The following CTNNA2 variants were observed in gnomAD, a reference collection of about 807,000 sequenced individuals.
CTNNA2 encodes catenin alpha-2.
In CTNNA2, 42 loss-of-function variants were observed where a neutral mutation model predicts 101.0. That is an observed-to-expected ratio of 0.42 (90% CI 0.32 to 0.54). CTNNA2 has a LOEUF of 0.54. CTNNA2 is among the 20% of genes least tolerant of loss of function. CTNNA2 has a pLI of 0.14. For synonymous variants in CTNNA2, 450 were observed against 456.4 expected (o/e 0.99, Z 0.18); for missense variants, 871 against 1,223.1 (o/e 0.71, Z 4.29).
chr2:80,547,461 A>G (rs1038554338), intron 11 of CTNNA2, among the ~76,000 whole-genome samples: 1 of 152,146 alleles, frequency 6.6e-6, no homozygotes, highest in African/African-American at 2.4e-5. Context: ...ATAATTCTCA[A>G]TATGTCAAGA....
At chr2:79,433,594 C>A (rs1678679027) in intron 4 of CTNNA2, among the ~76,000 whole-genome samples, 2 of 136,372 alleles carry the variant, frequency 1.5e-5, no homozygotes, top group African/African-American at 2.8e-5. Context: ...AAATTATTTG[C>A]CAAAGATGAG....
At position 79,909,659 on chromosome 2, in the gene CTNNA2, G is replaced by A. The variant is rs755138517; in HGVS notation, c.918G>A (p.Arg306=). 1 of 1,613,840 alleles carries A rather than the reference G, an allele frequency of 6.2e-7. No homozygotes were observed. The highest frequency in any genetic ancestry group is 1.7e-5 in the Admixed American group (1 of 60,012). Residue 306 remains arginine (R), a synonymous_variant, in exon 7 of 19, where the codon AGG becomes AGA. Transcript: ENST00000402739. ...GGTTCCGGCCGTCCCTGGAGGAGAG[G>A]CTGGAGAGCATCATCAGCGGCGCAG... ...EARFRPSLEE[R]LESIISGAAL... is the part of the protein sequence containing the mutation.
intron 7 of CTNNA2, among the ~76,000 whole-genome samples, chr2:80,322,625 C>T (rs1189296722): frequency 1.3e-5 from 2 of 151,748 alleles, no homozygotes; most frequent in Non-Finnish European, 2.9e-5. Flanking sequence ...TGCGCTGCCC[C>T]GGCCGCAGCC....
chr2:80,119,930 G>T (rs1023375059), intron 7 of CTNNA2, among the ~76,000 whole-genome samples: 3 of 152,180 alleles, frequency 2.0e-5, no homozygotes, highest in Non-Finnish European at 4.4e-5. Flanking sequence ...GTGCTATAAG[G>T]AAATTAAAAG....
At chr2:79,240,096 C>T (rs189889557) in intron 2 of CTNNA2, among the ~76,000 whole-genome samples, 17 of 151,846 alleles carry the variant, frequency 1.1e-4, no homozygotes, top group South Asian at 4.2e-4. Flanking sequence ...TTAGTAGAGA[C>T]GGGGTTTCTC....
chr2:79,300,524 A>G (rs1676083935), intron 2 of CTNNA2, among the ~76,000 whole-genome samples: 6 of 152,202 alleles, frequency 3.9e-5, no homozygotes, highest in Admixed American at 3.9e-4. Context: ...AGACTGGTTT[A>G]TAAATGGCAA....
chr2:79,530,750 A>G (rs772571814), intron 1 of CTNNA2, among the ~76,000 whole-genome samples: 9 of 152,228 alleles, frequency 5.9e-5, no homozygotes, highest in South Asian at 2.1e-4. Context: ...CAGAAATTAG[A>G]TGTTGTATGT....
chr2:80,545,943 C>T lies in CTNNA2; in HGVS notation c.1420C>T (p.Gln474Ter). 6.2e-7 allele frequency: 1 copy of T among 1,614,064 alleles called. No individual in the cohort carries two copies. Among genetic ancestry groups the T allele is most frequent in the Non-Finnish European group, 8.5e-7 (1 of 1,179,992 alleles). ...NAALTLAARP[Q>*]SKVAQDNMDV... ...CGCTCTGACACTGGCTGCCCGGCCA[C>T]AGAGCAAAGTTGCTCAGGATAACAT... The change falls in exon 11 of 19, where the codon CAG (glutamine) becomes TAG (stop). Residue 474 changes from glutamine to a stop codon, truncating the protein, a stop_gained. Coordinates refer to ENST00000402739, the MANE Select transcript of CTNNA2 (RefSeq NM_001282597.3). LOFTEE classifies it high-confidence loss of function.
chr2:80,605,924 A>G (rs1379242171), intron 16 of CTNNA2, among the ~76,000 whole-genome samples: 2 of 151,912 alleles, frequency 1.3e-5, no homozygotes, highest in African/African-American at 4.8e-5. Flanking sequence ...TCAGGGCAAT[A>G]TCAACCATGA....
chr2:79,904,425 TTAAG>T (rs1159777111), intron 6 of CTNNA2, among the ~76,000 whole-genome samples: 6 of 152,310 alleles, frequency 3.9e-5, no homozygotes, highest in East Asian at 3.9e-4. Context: ...CAGATAATAC[TTAAG>T]TATTATATTT....
intron 7 of CTNNA2, among the ~76,000 whole-genome samples, chr2:79,939,903 A>G (rs1484907903): frequency 6.6e-6 from 1 of 151,998 alleles, no homozygotes; most frequent in Non-Finnish European, 1.5e-5. Context: ...GACCAGCCTG[A>G]CCAACAGGGA....
intron 3 of CTNNA2, among the ~76,000 whole-genome samples, chr2:79,776,375 A>G (rs1270290268): frequency 6.6e-6 from 1 of 152,216 alleles, no homozygotes; most frequent in Non-Finnish European, 1.5e-5. Flanking sequence ...CCATGGTAAC[A>G]GATACAAAAT....
chr2:79,626,619 ATGTGTGTGTGTG>A (rs71867416), intron 1 of CTNNA2, among the ~76,000 whole-genome samples: 52 of 142,498 alleles, frequency 3.6e-4, no homozygotes, highest in South Asian at 2.4e-3. Flanking sequence ...GTGTGTGTGT[ATGTGTGTGTGTG>A]TGTGTGTGTG....
chr2:79,490,434 G>A (rs1671197423), intron 4 of CTNNA2, among the ~76,000 whole-genome samples: 1 of 152,064 alleles, frequency 6.6e-6, no homozygotes. Flanking sequence ...ACATGAGTCA[G>A]TACTGTTCTG....
chr2:79,876,688 C>A (rs925731887), intron 6 of CTNNA2, among the ~76,000 whole-genome samples: 4 of 152,144 alleles, frequency 2.6e-5, no homozygotes, highest in African/African-American at 9.7e-5. Context: ...TTAAAAGCAC[C>A]TTTTATCCCC....
At chr2:79,669,321 A>G (rs1032252081) in intron 2 of CTNNA2, among the ~76,000 whole-genome samples, 2 of 152,212 alleles carry the variant, frequency 1.3e-5, no homozygotes, top group Non-Finnish European at 2.9e-5. Flanking sequence ...CCACTCTAAT[A>G]TAGCTTGTTG....
intron 2 of CTNNA2, among the ~76,000 whole-genome samples, chr2:79,241,957 G>A (rs1388259231): frequency 6.6e-6 from 1 of 151,878 alleles, no homozygotes; most frequent in Non-Finnish European, 1.5e-5. Flanking sequence ...CCAGGCTGGA[G>A]TGCAGTGGCG....
At chr2:80,587,795 C>T (rs898601689) in intron 14 of CTNNA2, among the ~76,000 whole-genome samples, 1 of 152,280 alleles carries the variant, frequency 6.6e-6, no homozygotes, top group East Asian at 1.9e-4. Context: ...ATATGTGCAT[C>T]CTAGAAGCAG....
At chr2:80,053,368 T>C (rs568021644) in intron 7 of CTNNA2, among the ~76,000 whole-genome samples, 1 of 152,234 alleles carries the variant, frequency 6.6e-6, no homozygotes, top group Non-Finnish European at 1.5e-5. Flanking sequence ...AACTTTATAG[T>C]TGAGCAATCC....
Sources: allele counts gnomAD v4.1 joint callset (sites outside exome capture counted in the v4.1 genomes callset), GRCh38; gene constraint gnomAD v4.1.1; transcripts MANE v1.5; gene names NCBI Gene and HGNC (gene_info 2026-07-23, HGNC 2026-07-21).